The following ALMS1 variants were observed in gnomAD, a reference collection of about 807,000 sequenced individuals.
The protein encoded by ALMS1 is centrosome-associated protein ALMS1.
ALMS1 carries 271 observed loss-of-function variants against 352.2 expected under a neutral mutation model. That is an observed-to-expected ratio of 0.77 (90% CI 0.70 to 0.85). The LOEUF is 0.85. Ranked by LOEUF, ALMS1 falls within the 40% of genes least tolerant of loss-of-function variation. The pLI is 0.00. For missense variants in ALMS1, 5,445 were observed against 4,870.7 expected (o/e 1.12, Z -3.51); for synonymous variants, 1,865 against 1,761.2 (o/e 1.06, Z -1.48).
At chr2:73,566,658 G>A (rs1021726950) in intron 15 of ALMS1, among the ~76,000 whole-genome samples, 1 of 152,174 alleles carries the variant, frequency 6.6e-6, no homozygotes, top group Non-Finnish European at 1.5e-5. Context: ...TTCCCCTCAC[G>A]TTAAGCAGTT....
intron 10 of ALMS1, among the ~76,000 whole-genome samples, chr2:73,493,861 T>C (rs1673044567): frequency 6.6e-6 from 1 of 152,262 alleles, no homozygotes; most frequent in Non-Finnish European, 1.5e-5. Context: ...GTATTATCTA[T>C]TGCTGTGTAT....
intron 15 of ALMS1, among the ~76,000 whole-genome samples, chr2:73,562,692 A>G (rs1674690233): frequency 6.6e-6 from 1 of 152,110 alleles, no homozygotes. Flanking sequence ...GTTTGAGACC[A>G]GCCTGACCAA....
chr2:73,509,845 G>T (rs1673412822), intron 10 of ALMS1, among the ~76,000 whole-genome samples: 1 of 152,200 alleles, frequency 6.6e-6, no homozygotes, highest in Non-Finnish European at 1.5e-5. Flanking sequence ...ATAATATCCT[G>T]CAGAGTGTTT....
intron 11 of ALMS1, among the ~76,000 whole-genome samples, chr2:73,521,580 CAA>C (rs565126393): frequency 0.4 from 38,006 of 94,772 alleles, 7,178 homozygotes; most frequent in African/African-American, 0.6. Flanking sequence ...ACTAAAAATA[CAA>C]AAAAAAAAAA....
At chr2:73,609,489 A>G (rs1675893516) in intron 22 of ALMS1, 79 bp from the exon 23 acceptor site, 9 of 1,314,692 alleles carry the variant, frequency 6.8e-6, no homozygotes, top group South Asian at 4.7e-5. Context: ...CCTTGGTGAC[A>G]TGGATGCAGG....
rs764804760 is a variant in ALMS1 at position 73,385,903 on chromosome 2, T to TCGAGGAGGAGGA, written c.35_36insCGAGGAGGAGGA (p.Glu25_Glu28dup). The TCGAGGAGGAGGA allele has an allele frequency of 1.4e-5, 10 of 701,380 alleles. No individual in the cohort carries two copies. In the East Asian group the frequency reaches 2.8e-4, roughly 20 times the overall value. The allele number at this position is 701,380 out of a possible 1,614,324, so 43.4% of individuals were successfully genotyped here. A position where few individuals can be genotyped will look rare whatever the true frequency, so the allele number is the denominator to read the frequency against. On this transcript the variant is annotated inframe_insertion, in exon 1 of 23. Transcript: ENST00000613296. ...GAGGATCTGCCATGGCCGGGCGAGCTGGAGGAGGAGGAGGAGGAGGAGGAG... is the reference window on the plus strand; with the variant it reads ...GAGGATCTGCCATGGCCGGGCGAGCTCGAGGAGGAGGAGGAGGAGGAGGAGGAGGAGGAGGAG...
intron 7 of ALMS1, among the ~76,000 whole-genome samples, chr2:73,443,989 T>A (rs1440454409): frequency 6.6e-6 from 1 of 152,216 alleles, no homozygotes. Context: ...TATTGGGGTT[T>A]ATGTTCCCTG....
chr2:73,542,991 C>G (rs1674223860), intron 12 of ALMS1, among the ~76,000 whole-genome samples: 1 of 152,166 alleles, frequency 6.6e-6, no homozygotes, highest in South Asian at 2.1e-4. Context: ...CAATGACTTT[C>G]TTCACAGAAT....
At chr2:73,603,944 A>T (rs996522001) in intron 21 of ALMS1, 7 of 152,996 alleles carry the variant, frequency 4.6e-5, no homozygotes, top group African/African-American at 1.4e-4. Context: ...TCCCATTTCT[A>T]GGAATTGATC....
intron 10 of ALMS1, among the ~76,000 whole-genome samples, chr2:73,503,082 A>G (rs2103923469): frequency 1.3e-5 from 2 of 152,130 alleles, no homozygotes; most frequent in South Asian, 4.2e-4. Context: ...TTCTCCCAGT[A>G]ATGTCTTTTT....
At chr2:73,461,987 C>G (rs1672213921) in intron 9 of ALMS1, among the ~76,000 whole-genome samples, 1 of 151,908 alleles carries the variant, frequency 6.6e-6, no homozygotes, top group Non-Finnish European at 1.5e-5. Flanking sequence ...GATTGGTGTA[C>G]CTGAAAGTGA....
intron 9 of ALMS1, chr2:73,458,053 A>AAAAAAAAG (rs1553405034): frequency 5.3e-5 from 8 of 149,924 alleles, no homozygotes; most frequent in Admixed American, 6.6e-5. Context: ...AAAAAAAAAA[A>AAAAAAAAG]GGTCTAAAAC....
In ALMS1 at chr2:73,432,104, T is replaced by C. The variant is rs963472928; in HGVS notation, c.1339-94T>C. 8 of 919,604 alleles carry C rather than the reference T, an allele frequency of 8.7e-6. No homozygotes were observed. The Admixed American group carries it at 1.3e-4, about 15-fold the overall frequency. 57.0% of individuals were successfully genotyped at this position (919,604 alleles called of 1,614,324 possible). A position where few individuals can be genotyped will look rare whatever the true frequency, so the allele number is the denominator to read the frequency against. On this transcript the variant is annotated intron_variant, in intron 6 of 22. Transcript: ENST00000613296. ...TAGCAGATGAGGTTTGAAATTAATA[T>C]CTTATTTTCTTCATTTCTTCGTAGG... is the stretch of plus-strand genomic sequence containing the variant.
chr2:73,518,957 G>A (rs1303928873), intron 10 of ALMS1, among the ~76,000 whole-genome samples: 3 of 151,974 alleles, frequency 2.0e-5, no homozygotes, highest in East Asian at 1.9e-4. Flanking sequence ...TTTTGCTTTC[G>A]TTGCAATTGC....
At chr2:73,444,630 A>G (rs1404273337) in intron 7 of ALMS1, among the ~76,000 whole-genome samples, 1 of 152,204 alleles carries the variant, frequency 6.6e-6, no homozygotes, top group Non-Finnish European at 1.5e-5. Flanking sequence ...AAACTAAGCA[A>G]TTTTATTACA....
intron 9 of ALMS1, chr2:73,470,746 A>C (rs911855893): frequency 1.3e-5 from 2 of 151,582 alleles, no homozygotes; most frequent in African/African-American, 4.8e-5. Flanking sequence ...TTTTCCCTTC[A>C]GTTCTGTCAG....
intron 10 of ALMS1, among the ~76,000 whole-genome samples, chr2:73,492,243 G>C (rs540807814): frequency 2.6e-4 from 39 of 152,148 alleles, no homozygotes; most frequent in African/African-American, 9.4e-4. Flanking sequence ...AGTTGAAGAG[G>C]CATCGTACCA....
chr2:73,403,319 T>C (rs1183015665), intron 1 of ALMS1, among the ~76,000 whole-genome samples: 3 of 152,210 alleles, frequency 2.0e-5, no homozygotes, highest in African/African-American at 7.2e-5. Flanking sequence ...CTTGGTGCCC[T>C]TGTCAAAAAT....
intron 16 of ALMS1, among the ~76,000 whole-genome samples, chr2:73,593,696 A>T (rs1573047676): frequency 6.6e-6 from 1 of 152,180 alleles, no homozygotes; most frequent in East Asian, 1.9e-4. Flanking sequence ...AATATTTTAA[A>T]CACCCTCCAA....
Sources: allele counts gnomAD v4.1 joint callset (sites outside exome capture counted in the v4.1 genomes callset), GRCh38; gene constraint gnomAD v4.1.1; transcripts MANE v1.5; gene names NCBI Gene and HGNC (gene_info 2026-07-23, HGNC 2026-07-21).